The following EMSY variants were observed in gnomAD, a reference collection of about 807,000 sequenced individuals.
The protein encoded by EMSY is BRCA2-interacting transcriptional repressor EMSY.
Under a neutral mutation model 134.6 loss-of-function variants are expected in EMSY, and 26 were observed. The ratio of observed to expected loss-of-function variants is 0.19; its 90% CI spans 0.14 to 0.27. The LOEUF (loss-of-function observed/expected upper bound fraction) is 0.27. EMSY is among the 10% of genes least tolerant of loss of function. EMSY has a pLI of 1.00. For missense variants in EMSY, 1,305 were observed against 1,611.4 expected, an observed-to-expected ratio of 0.81 and a Z score of 3.26; for synonymous variants, 579 against 577.8, an observed-to-expected ratio of 1.00 and a Z score of -0.03.
intron 9 of EMSY, among the ~76,000 whole-genome samples, chr11:76,508,071 A>G (rs1307914347): frequency 6.6e-6 from 1 of 151,924 alleles, no homozygotes; most frequent in Admixed American, 6.6e-5. Flanking sequence ...GGGTCTCACC[A>G]TGTTGCCCAG....
At chr11:76,512,953 G>A (rs1030276430) in intron 9 of EMSY, among the ~76,000 whole-genome samples, 3 of 152,138 alleles carry the variant, frequency 2.0e-5, no homozygotes, top group Non-Finnish European at 2.9e-5. Context: ...CAGCTTTTAT[G>A]TAAGTTTAAG....
chr11:76,550,238 C>G, exon 21 of EMSY: 1 of 1,120,098 alleles, frequency 8.9e-7, no homozygotes, highest in Non-Finnish European at 1.2e-6. Context: ...GAGCACTTTG[C>G]CCGTACTTAG....
intron 4 of EMSY, 104 bp downstream of exon 5, chr11:76,454,894 A>T (rs1225433990): frequency 1.2e-6 from 1 of 869,284 alleles, no homozygotes; most frequent in African/African-American, 1.7e-5. Flanking sequence ...TGAATTAACC[A>T]TGCCCCTTGC....
intron 9 of EMSY, among the ~76,000 whole-genome samples, chr11:76,508,063 G>T (rs958837422): frequency 6.6e-6 from 1 of 151,810 alleles, no homozygotes; most frequent in Non-Finnish European, 1.5e-5. Context: ...TAGAGACAGG[G>T]TCTCACCATG....
chr11:76,509,238 TA>T (rs1182436073), intron 9 of EMSY, among the ~76,000 whole-genome samples: 4 of 151,952 alleles, frequency 2.6e-5, no homozygotes, highest in African/African-American at 9.7e-5. Context: ...CTTCAATTTG[TA>T]AAAAACACTT....
intron 13 of EMSY, among the ~76,000 whole-genome samples, chr11:76,527,577 C>T (rs546284263): frequency 6.6e-6 from 1 of 151,924 alleles, no homozygotes; most frequent in Admixed American, 6.6e-5. Context: ...AGTAGAATGG[C>T]CCAGTTTGAA....
chr11:76,541,333 A>G (rs1159825446), intron 17 of EMSY, among the ~76,000 whole-genome samples: 7 of 152,234 alleles, frequency 4.6e-5, no homozygotes, highest in Admixed American at 3.3e-4. Flanking sequence ...GATGTTTCCT[A>G]TACTGCAATC....
At chr11:76,528,243 C>T (rs996543198) in intron 13 of EMSY, 25 bp from the exon 15 acceptor site, 1 of 1,588,726 alleles carries the variant, frequency 6.3e-7, no homozygotes, top group Non-Finnish European at 8.6e-7. Context: ...AATTTTATCT[C>T]AGTATATTTC....
exon 12 of EMSY, chr11:76,523,159 G>A (rs774854334): frequency 1.1e-5 from 17 of 1,605,924 alleles, no homozygotes; most frequent in Middle Eastern, 1.7e-4. Context: ...TCTAAGGAAC[G>A]ACTACCAAAA....
rs755995708 is a variant in EMSY, at chr11:76,537,969, T to C, written c.2515+19T>C. The stretch of plus-strand genomic sequence containing the variant: ...ACTACTGGTAGGTGTCCTCTTAAAA[T>C]GTAGTATTAAGGTAGGAGAACTACC... On this transcript the variant is annotated intron_variant, in intron 16 of 20. Transcript: ENST00000334736. The C allele has an allele frequency of 4.4e-6, 7 of 1,595,464 alleles. No individual in the cohort carries two copies. The African/African-American group carries it at 9.4e-5, about 21-fold the overall frequency.
chr11:76,445,360 C>T (rs536254382), intron 1 of EMSY, among the ~76,000 whole-genome samples: 1 of 152,230 alleles, frequency 6.6e-6, no homozygotes, highest in South Asian at 2.1e-4. Context: ...GGTCGTCTGG[C>T]TGGGTATCCG....
chr11:76,493,870 T>C (rs1187835427), intron 8 of EMSY, among the ~76,000 whole-genome samples: 7 of 152,108 alleles, frequency 4.6e-5, no homozygotes, highest in African/African-American at 1.4e-4. Flanking sequence ...GGCTGAAACA[T>C]GTTCCCCTGC....
In EMSY at chr11:76,476,331, A is replaced by G. The variant is rs997312615; in HGVS notation, c.1108+3491A>G. Among the ~76,000 whole-genome samples, 8 of 152,224 alleles carry G rather than the reference A, an allele frequency of 5.3e-5. No individual in the cohort carries two copies. In the South Asian group the frequency reaches 1.4e-3, roughly 28 times the overall value. ...GTGTTACCAAATGGTTTTAATAGCT[A>G]TTGATAATCTTTGCCTAGATCTATT... On this transcript the variant is annotated intron_variant, in intron 8 of 20. Coordinates refer to ENST00000334736, the Ensembl canonical transcript of EMSY.
At chr11:76,463,754 T>A (rs939008336) in intron 6 of EMSY, 67 bp from the exon 8 acceptor site, 2 of 1,531,580 alleles carry the variant, frequency 1.3e-6, no homozygotes, top group African/African-American at 2.8e-5. Flanking sequence ...ATAAAGATTT[T>A]AAAAATAAAG....
chr11:76,526,775 A>T, intron 13 of EMSY, 140 bp downstream of exon 14: 1 of 824,632 alleles, frequency 1.2e-6, no homozygotes. Flanking sequence ...TGTGTTAATT[A>T]TTCAAGTATT....
chr11:76,536,014 G>A (rs2136539729), exon 15 of EMSY: 1 of 1,594,542 alleles, frequency 6.3e-7, no homozygotes, highest in Non-Finnish European at 8.5e-7. Context: ...ATCACAATCA[G>A]CTACTTCAAC....
intron 8 of EMSY, among the ~76,000 whole-genome samples, chr11:76,486,164 C>T (rs1949171406): frequency 6.6e-6 from 1 of 152,092 alleles, no homozygotes. Context: ...GAAAACCAAA[C>T]ACCAAATATT....
At chr11:76,507,798 T>C (rs1354558417) in intron 9 of EMSY, among the ~76,000 whole-genome samples, 4 of 152,164 alleles carry the variant, frequency 2.6e-5, no homozygotes, top group Non-Finnish European at 5.9e-5. Context: ...CCAAATCCAT[T>C]AGAGAAATCA....
chr11:76,462,106 G>T (rs572208418), intron 6 of EMSY, among the ~76,000 whole-genome samples: 2 of 152,036 alleles, frequency 1.3e-5, no homozygotes, highest in Non-Finnish European at 2.9e-5. Context: ...AGGTGTGGTG[G>T]CAGGTGCCTG....
Sources: allele counts gnomAD v4.1 joint callset (sites outside exome capture counted in the v4.1 genomes callset), GRCh38; gene constraint gnomAD v4.1.1; transcripts MANE v1.5; gene names NCBI Gene and HGNC (gene_info 2026-07-23, HGNC 2026-07-21).